Variants in EIF3A observed in about 807,000 individuals in gnomAD.
EIF3A encodes the protein eukaryotic translation initiation factor 3 subunit A, also known as EIF3, p180 subunit.
A neutral mutation model predicts 186.6 loss-of-function variants in EIF3A; 21 were observed. The ratio of observed to expected loss-of-function variants is 0.11; its 90% CI spans 0.08 to 0.16. The LOEUF (loss-of-function observed/expected upper bound fraction) is 0.16. Ranked by LOEUF, EIF3A falls within the 10% of genes least tolerant of loss-of-function variation. EIF3A has a pLI of 1.00. For synonymous variants in EIF3A, 563 were observed against 584.3 expected, an observed-to-expected ratio of 0.96 and a Z score of 0.52; for missense variants, 1,306 against 1,796.3, an observed-to-expected ratio of 0.73 and a Z score of 4.93.
At position 119,042,113 on chromosome 10, in the gene EIF3A, T is replaced by C. The variant is rs201036917; in HGVS notation, c.3407A>G (p.Asp1136Gly). 93 of 1,614,086 alleles carry C rather than the reference T, an allele frequency of 5.8e-5. No homozygotes were observed. The highest frequency in any genetic ancestry group is 7.6e-6 in the Non-Finnish European group (9 of 1,180,052). The change falls in exon 19 of 22, where the codon GAC (aspartate) becomes GGC (glycine). Residue 1136 changes from aspartate to glycine, a missense_variant. Coordinates refer to ENST00000369144, the MANE Select transcript of EIF3A (RefSeq NM_003750.4). This position sits in a 1 kb window ranked among gnomAD's most constrained non-coding sequence, Gnocchi z 7.8. ...DRIPRRGAED[D>G]RGPWRNMDDD... ...ATCCATGTTTCTCCAAGGGCCCCTG[T>C]CATCCTCTGCACCACGCCTGGGAAT... is the stretch of plus-strand genomic sequence containing the variant.
Position 119,037,379 on chromosome 10 carries a change from G to A in EIF3A, c.3729-70C>T, listed in dbSNP as rs1848147007. 10 of 1,359,252 alleles carry A rather than the reference G, an allele frequency of 7.4e-6. No individual in the cohort carries two copies. In the South Asian group the frequency reaches 1.1e-4, roughly 15 times the overall value. 84.2% of individuals were successfully genotyped at this position (1,359,252 alleles called of 1,614,324 possible). On this transcript the variant is annotated intron_variant, in intron 20 of 21. Transcript: ENST00000369144. ...AAATGGATAATTATAAGTACATCCA[G>A]TCCAAGCTGGGGCTTAGAGTTTACA...
chr10:119,040,997 T>TC (rs1412954235), intron 19 of EIF3A, among the ~76,000 whole-genome samples: 8 of 96,242 alleles, frequency 8.3e-5, no homozygotes, highest in African/African-American at 3.3e-4. Flanking sequence ...AGAGCGAGAC[T>TC]CCGTCTCCAA....
chr10:119,067,094 T>C (rs1417679414), intron 6 of EIF3A, among the ~76,000 whole-genome samples: 5 of 151,834 alleles, frequency 3.3e-5, no homozygotes, highest in African/African-American at 1.2e-4. Context: ...CGCACGCCTG[T>C]AATCCCAGCT....
chr10:119,059,830 A>G, intron 9 of EIF3A, 112 bp from the exon 10 acceptor site: 3 of 766,862 alleles, frequency 3.9e-6, no homozygotes, highest in African/African-American at 3.4e-5. Context: ...AATTTATGTT[A>G]GCAGTACATT....
chr10:119,050,707 G>C, intron 15 of EIF3A, 33 bp from the exon 16 acceptor site: 1 of 1,611,960 alleles, frequency 6.2e-7, no homozygotes, highest in Non-Finnish European at 8.5e-7. Context: ...CCCAAAAAGG[G>C]CACACTTTGT....
At chr10:119,047,374 G>A (rs1443111816) in intron 17 of EIF3A, among the ~76,000 whole-genome samples, 2 of 152,124 alleles carry the variant, frequency 1.3e-5, no homozygotes, top group African/African-American at 4.8e-5. Flanking sequence ...TCCAAAGCAA[G>A]TGTTAGGAAT....
intron 14 of EIF3A, among the ~76,000 whole-genome samples, chr10:119,052,096 G>C (rs1229037718): frequency 6.6e-6 from 1 of 152,140 alleles, no homozygotes; most frequent in African/African-American, 2.4e-5. Context: ...GATTCATCTA[G>C]CATGTGGCAC....
chr10:119,073,415 A>G, intron 3 of EIF3A, 26 bp downstream of exon 3: 4 of 1,520,508 alleles, frequency 2.6e-6, no homozygotes, highest in Non-Finnish European at 3.6e-6. Context: ...CTATCAAAGC[A>G]TTTATTAGAG....
At chr10:119,073,288 C>T (rs972139477) in intron 3 of EIF3A, among the ~76,000 whole-genome samples, 153 bp downstream of exon 3, 9 of 152,154 alleles carry the variant, frequency 5.9e-5, no homozygotes, top group African/African-American at 1.9e-4. Flanking sequence ...ATTTTTATTA[C>T]CTACATAAAT....
At chr10:119,070,409 T>C (rs1173983516) in intron 5 of EIF3A, among the ~76,000 whole-genome samples, 1 of 152,206 alleles carries the variant, frequency 6.6e-6, no homozygotes, top group Non-Finnish European at 1.5e-5. Flanking sequence ...CGGTTTGTTT[T>C]AAATTTCTGA....
At chr10:119,054,190 A>G (rs973851373) in intron 14 of EIF3A, among the ~76,000 whole-genome samples, 1 of 151,970 alleles carries the variant, frequency 6.6e-6, no homozygotes, top group African/African-American at 2.4e-5. Context: ...CAAAGTGCTT[A>G]TATTACAGAC....
Position 119,037,207 on chromosome 10 carries a change from C to G in EIF3A, c.3831G>C (p.Arg1277Ser). 6.2e-7 allele frequency: 1 copy of G among 1,614,010 alleles called. No homozygotes were observed. ...DRDRDDRRRE[R>S]DDRRDLRERR... is the part of the protein sequence containing the mutation. ...TTTCTCTTAGATCACGCCGGTCATCCCTCTCACGGCGACGGTCATCCCTAT... is the reference window on the plus strand; with the variant it reads ...TTTCTCTTAGATCACGCCGGTCATCGCTCTCACGGCGACGGTCATCCCTAT... Residue 1277 changes from arginine to serine, a missense_variant, in exon 21 of 22, where the codon AGG (arginine) becomes AGC (serine). By Grantham distance (110) the Arg-to-Ser change is moderately radical. Around this residue, in one of 8 missense-constraint regions of EIF3A, gnomAD observed 331 missense variants for 365.8 expected, o/e 0.90. Coordinates refer to ENST00000369144, the MANE Select transcript of EIF3A (RefSeq NM_003750.4).
chr10:119,067,639 A>G (rs533365192), intron 6 of EIF3A, among the ~76,000 whole-genome samples: 1 of 152,306 alleles, frequency 6.6e-6, no homozygotes, highest in African/African-American at 2.4e-5. Context: ...TAGAGAACAA[A>G]GAAGAGAAAG....
At position 119,048,618 on chromosome 10, in the gene EIF3A, T is replaced by C. The variant is rs181621454; in HGVS notation, c.2658+1183A>G. Among the ~76,000 whole-genome samples, 618 of 152,130 alleles carry C rather than the reference T, an allele frequency of 4.1e-3. 3 individuals carry two copies. The highest frequency in any genetic ancestry group is 0.014 in the Middle Eastern group (4 of 292). ...GCTGACAGCTGCTGACCACCAAACA[T>C]GTCTTTAAGTACCAAGGAGCTACAG... On this transcript the variant is annotated intron_variant, in intron 17 of 21. Transcript: ENST00000369144.
At chr10:119,047,077 C>T (rs2119818306) in intron 17 of EIF3A, among the ~76,000 whole-genome samples, 1 of 152,154 alleles carries the variant, frequency 6.6e-6, no homozygotes, top group Non-Finnish European at 1.5e-5. Context: ...ACCAGCCAGG[C>T]CAACATAGTG....
chr10:119,037,687 A>C (rs890384780), intron 20 of EIF3A, among the ~76,000 whole-genome samples: 5 of 152,180 alleles, frequency 3.3e-5, no homozygotes, highest in African/African-American at 1.2e-4. Context: ...ATTTGTCAGT[A>C]CAAGGACACT....
In EIF3A at chr10:119,071,042, A is replaced by G. The variant is rs774431538; in HGVS notation, c.585T>C (p.Arg195=). 3 of 1,614,094 alleles carry G rather than the reference A, an allele frequency of 1.9e-6. No homozygotes were observed. In the African/African-American group the frequency reaches 4.0e-5, roughly 22 times the overall value. ...GCATTCTCAAATTGTCACACAGTTT[A>G]CGGAATTCAGCCTTACGCGTGTATT... ...CLQYTRKAEF[R]KLCDNLRMHL... is the part of the protein sequence containing the mutation. Residue 195 remains arginine (R), a synonymous_variant, in exon 5 of 22, where the codon CGT becomes CGC. Transcript: ENST00000369144.
At position 119,042,206 on chromosome 10, in the gene EIF3A, T is replaced by C; in HGVS notation, c.3314A>G (p.Asp1105Gly). ...DDRGPRRGMD[D>G]DRGPRRGLDD... ...CAACCCTCGCCTGGGACCCCGGTCA[T>C]CATCCATGCCTCGCCTGGGACCCCG... is the stretch of plus-strand genomic sequence containing the variant. The change falls in exon 19 of 22, where the codon GAT becomes GGT. Residue 1105 changes from aspartate to glycine, a missense_variant. Coordinates refer to ENST00000369144, the MANE Select transcript of EIF3A (RefSeq NM_003750.4). The surrounding 1 kb of genome is among the most constrained non-coding windows in gnomAD (Gnocchi z 7.8). The C allele has an allele frequency of 6.2e-7, 1 of 1,611,526 alleles. No individual in the cohort carries two copies. The highest frequency in any genetic ancestry group is 8.5e-7 in the Non-Finnish European group (1 of 1,179,400).
rs983342561 is a variant in EIF3A at position 119,065,328 on chromosome 10, A to G, written c.1122+71T>C. On this transcript the variant is annotated intron_variant, in intron 7 of 21. Transcript: ENST00000369144. ...ACTGAATCAGAATTCCCAGTATTTA[A>G]TCATGAGTTATTAAACCTGACCACA... 2.1e-5 allele frequency: 23 copies of G among 1,110,382 alleles called. 1 individual carries two copies. The African/African-American group carries it at 2.5e-4, about 12-fold the overall frequency. The allele number at this position is 1,110,382 out of a possible 1,614,324, so 68.8% of individuals were successfully genotyped here.
Sources: allele counts gnomAD v4.1 joint callset (sites outside exome capture counted in the v4.1 genomes callset), GRCh38; gene constraint gnomAD v4.1.1; regional missense constraint gnomAD v4.1.1; non-coding constraint Gnocchi (gnomAD v3.1); transcripts MANE v1.5; gene names NCBI Gene and HGNC (gene_info 2026-07-23, HGNC 2026-07-21).